Variants in SMARCB1 observed in about 807,000 individuals in gnomAD.
The protein encoded by SMARCB1 is SWI/SNF related BAF chromatin remodeling complex subunit B1, also known as SWI/SNF-related matrix-associated actin-dependent regulator of chromatin subfamily B member 1.
A neutral mutation model predicts 49.0 loss-of-function variants in SMARCB1; 5 were observed. The ratio of observed to expected loss-of-function variants is 0.10; its 90% CI spans 0.05 to 0.21. SMARCB1 has a LOEUF of 0.21. Among genes scored for constraint, SMARCB1 ranks in the 10% least tolerant of loss-of-function variants. The probability of loss-of-function intolerance (pLI) is 1.00; values close to 1 mark genes in which losing one functional copy is unlikely to be tolerated. For missense variants in SMARCB1, 226 were observed against 509.2 expected, an observed-to-expected ratio of 0.44 and a Z score of 5.35; for synonymous variants, 201 against 200.1, an observed-to-expected ratio of 1.00 and a Z score of -0.04.
chr22:23,837,992 G>A lies in SMARCB1; in HGVS notation c.*3812G>A. On this transcript the variant is annotated 3_prime_UTR_variant, in exon 9 of 9. Coordinates refer to ENST00000644036, the MANE Select transcript of SMARCB1 (RefSeq NM_003073.5). ...ATCAAGATGAGCCAGTCCAATAAAG[G>A]CGACACACTCCACGGGCTTCAGGTC... The A allele has an allele frequency of 1.6e-6, 2 of 1,238,540 alleles. No individual in the cohort carries two copies. The highest frequency in any genetic ancestry group is 3.0e-5 in the South Asian group (2 of 65,728). 76.7% of individuals were successfully genotyped at this position (1,238,540 alleles called of 1,614,324 possible).
At position 23,836,877 on chromosome 22, in the gene SMARCB1, G is replaced by GC. The variant is rs754291104; in HGVS notation, c.*2698dup. The GC allele has an allele frequency of 1.6e-5, 24 of 1,473,036 alleles. No individual in the cohort carries two copies. Among genetic ancestry groups the GC allele is most frequent in the Admixed American group, 5.2e-5 (2 of 38,554 alleles). 91.2% of individuals were successfully genotyped at this position (1,473,036 alleles called of 1,614,324 possible). A position where few individuals can be genotyped will look rare whatever the true frequency, so the allele number is the denominator to read the frequency against. ...CTGGCCCTGGGTGGGGGTCACTGCT[G>GC]CGGGGGTGGCAGATGGGGTCCTGGC... is the stretch of plus-strand genomic sequence containing the variant. On this transcript the variant is annotated 3_prime_UTR_variant, in exon 9 of 9. Coordinates refer to ENST00000644036, the MANE Select transcript of SMARCB1 (RefSeq NM_003073.5).
At chr22:23,829,678 T>C (rs772881843) in intron 7 of SMARCB1, among the ~76,000 whole-genome samples, 5 of 152,250 alleles carry the variant, frequency 3.3e-5, no homozygotes, top group Non-Finnish European at 7.3e-5. Context: ...AGCTTTATTG[T>C]GATATAATTC....
Position 23,834,906 on chromosome 22 carries a change from G to C in SMARCB1, c.*726G>C. ...TGTCCAGATGGTCAGGCTACTGCCA[G>C]CTGGGGCCTTGCTGCTCTGAAGTCC... On this transcript the variant is annotated 3_prime_UTR_variant, in exon 9 of 9. Transcript: ENST00000644036. The C allele has an allele frequency of 1.2e-6, 2 of 1,611,476 alleles. No homozygotes were observed. Among genetic ancestry groups the C allele is most frequent in the Non-Finnish European group, 8.5e-7 (1 of 1,179,606 alleles).
intron 6 of SMARCB1, 129 bp downstream of exon 6, chr22:23,817,065 T>A: frequency 2.7e-6 from 2 of 750,284 alleles, no homozygotes; most frequent in East Asian, 5.4e-5. Flanking sequence ...TGGAAAGTCA[T>A]AACACCTGGC....
At chr22:23,819,754 A>AT (rs1555879850) in intron 6 of SMARCB1, among the ~76,000 whole-genome samples, 1 of 150,552 alleles carries the variant, frequency 6.6e-6, no homozygotes, top group Admixed American at 6.6e-5. Context: ...CGGTGGCTGC[A>AT]CCTTTTATAT....
At chr22:23,803,872 ATG>A in intron 5 of SMARCB1, 3 of 265,190 alleles carry the variant, frequency 1.1e-5, no homozygotes, top group Non-Finnish European at 2.2e-5. Context: ...CCTGGGTCAG[ATG>A]CCATCTCTTC....
At chr22:23,812,551 T>C (rs1929941607) in intron 5 of SMARCB1, among the ~76,000 whole-genome samples, 1 of 152,312 alleles carries the variant, frequency 6.6e-6, no homozygotes, top group Admixed American at 6.5e-5. Context: ...CAATATCCTT[T>C]ATGACTAAAG....
At chr22:23,797,174 G>A (rs5751735) in intron 3 of SMARCB1, among the ~76,000 whole-genome samples, 134,004 of 145,606 alleles carry the variant, frequency 0.92, 61,841 homozygotes, top group Middle Eastern at 0.96. Flanking sequence ...AATTTTTTGT[G>A]TTTTTAGTAG....
At chr22:23,822,575 C>T (rs2030149783) in intron 6 of SMARCB1, among the ~76,000 whole-genome samples, 1 of 152,254 alleles carries the variant, frequency 6.6e-6, no homozygotes, top group Non-Finnish European at 1.5e-5. Context: ...AAGCTTCCCA[C>T]ATCCCTCTGT....
Position 23,837,584 on chromosome 22 carries a change from G to A in SMARCB1, c.*3404G>A. ...AGAACTCCAGCAAGGATGGGAGAGG[G>A]GCCCCAGGGCATAAGCAGCGTGTCC... On this transcript the variant is annotated 3_prime_UTR_variant, in exon 9 of 9. Transcript: ENST00000644036. 1 of 1,487,422 alleles carries A rather than the reference G, an allele frequency of 6.7e-7. No individual in the cohort carries two copies. The highest frequency in any genetic ancestry group is 2.0e-5 in the Admixed American group (1 of 49,938). 92.1% of individuals were successfully genotyped at this position (1,487,422 alleles called of 1,614,324 possible).
chr22:23,798,912 T>A (rs1184549271), intron 3 of SMARCB1, among the ~76,000 whole-genome samples: 1 of 151,716 alleles, frequency 6.6e-6, no homozygotes, highest in African/African-American at 2.4e-5. Context: ...TAGCCGGGCG[T>A]GGTGGTGGGC....
At chr22:23,809,421 C>A (rs921155981) in intron 5 of SMARCB1, among the ~76,000 whole-genome samples, 1 of 151,816 alleles carries the variant, frequency 6.6e-6, no homozygotes, top group African/African-American at 2.4e-5. Context: ...GGATTACAGG[C>A]ATGTGCCACC....
In SMARCB1 at chr22:23,825,218, G is replaced by C. The variant is rs1187579463; in HGVS notation, c.796-7G>C. The C allele has an allele frequency of 1.9e-6, 3 of 1,613,326 alleles. No homozygotes were observed. In the South Asian group the frequency reaches 3.3e-5, roughly 18 times the overall value. ...CTCTAACTTGTGTCCTTTGGTTGTT[G>C]CCTCAGCTGAACATCCATGTGGGAA... On this transcript the variant is annotated splice_region_variant and splice_polypyrimidine_tract_variant and intron_variant, in intron 6 of 8. Coordinates refer to ENST00000644036, the MANE Select transcript of SMARCB1 (RefSeq NM_003073.5).
Position 23,837,975 on chromosome 22 carries a change from G to T in SMARCB1, c.*3795G>T. 1 of 1,259,750 alleles carries T rather than the reference G, an allele frequency of 7.9e-7. No homozygotes were observed. The allele number at this position is 1,259,750 out of a possible 1,614,324, so 78.0% of individuals were successfully genotyped here. A position where few individuals can be genotyped will look rare whatever the true frequency, so the allele number is the denominator to read the frequency against. ...CTATGTGCTATTCCCTCATCAAGAT[G>T]AGCCAGTCCAATAAAGGCGACACAC... On this transcript the variant is annotated 3_prime_UTR_variant, in exon 9 of 9. Transcript: ENST00000644036.
At chr22:23,797,894 C>T (rs1928880641) in intron 3 of SMARCB1, among the ~76,000 whole-genome samples, 1 of 152,140 alleles carries the variant, frequency 6.6e-6, no homozygotes. Flanking sequence ...GTCGGGGTTA[C>T]AGGTGTGAAC....
At chr22:23,813,767 A>T (rs1463755343) in intron 5 of SMARCB1, among the ~76,000 whole-genome samples, 1 of 152,138 alleles carries the variant, frequency 6.6e-6, no homozygotes, top group Non-Finnish European at 1.5e-5. Flanking sequence ...TGTAGATAAG[A>T]TGGTTCTAAG....
Position 23,821,807 on chromosome 22 carries a change from C to T in SMARCB1, c.796-3418C>T, listed in dbSNP as rs541200468. Among the ~76,000 whole-genome samples the T allele has an allele frequency of 6.6e-5, 10 of 151,386 alleles. No individual in the cohort carries two copies. The South Asian group carries it at 1.5e-3, about 22-fold the overall frequency. On this transcript the variant is annotated intron_variant, in intron 6 of 8. Transcript: ENST00000644036. ...CGGAGGTTGCAGTGAGCCAAGATTG[C>T]GCCACTACACTCCAGCCTGGGCAAC... is the stretch of plus-strand genomic sequence containing the variant.
intron 6 of SMARCB1, among the ~76,000 whole-genome samples, chr22:23,819,162 T>C (rs2029939451): frequency 6.6e-6 from 1 of 152,174 alleles, no homozygotes; most frequent in Non-Finnish European, 1.5e-5. Context: ...TCCTTTCTTA[T>C]TAAGGCTAAA....
chr22:23,836,654 C>T lies in SMARCB1; in HGVS notation c.*2474C>T. The T allele has an allele frequency of 2.4e-6, 3 of 1,259,412 alleles. No individual in the cohort carries two copies. The highest frequency in any genetic ancestry group is 3.4e-5 in the South Asian group (1 of 29,570). The allele number at this position is 1,259,412 out of a possible 1,614,324, so 78.0% of individuals were successfully genotyped here. On this transcript the variant is annotated 3_prime_UTR_variant, in exon 9 of 9. Coordinates refer to ENST00000644036, the MANE Select transcript of SMARCB1 (RefSeq NM_003073.5). ...TACCACCTGCAGTTGGGCTGAGAGG[C>T]CACACTGAGTGAGGACGGGGCAGGC...
Sources: gnomAD v4.1 joint callset for allele counts (sites outside exome capture counted in the v4.1 genomes callset) on GRCh38, gnomAD v4.1.1 for gene constraint, MANE v1.5 for transcripts, NCBI Gene and HGNC (gene_info 2026-07-23, HGNC 2026-07-21) for gene names.